GABRB1: variants seen among roughly 807,000 people sequenced by gnomAD.
GABRB1 encodes the protein gamma-aminobutyric acid type A receptor subunit beta1, also known as gamma-aminobutyric acid receptor subunit beta-1.
In GABRB1, 17 loss-of-function variants were observed where a neutral mutation model predicts 51.6. The observed-to-expected ratio is 0.33, with a 90% CI of 0.23 to 0.49. The LOEUF is 0.49. Ranked by LOEUF, GABRB1 falls within the 20% of genes least tolerant of loss-of-function variation. The pLI, the probability that GABRB1 is intolerant of heterozygous loss-of-function variation, is 0.99. For synonymous variants in GABRB1, 247 were observed against 218.9 expected, an observed-to-expected ratio of 1.13 and a Z score of -1.14; for missense variants, 410 against 600.6, an observed-to-expected ratio of 0.68 and a Z score of 3.32.
intron 7 of GABRB1, among the ~76,000 whole-genome samples, chr4:47,405,599 A>G (rs891521854): frequency 1.1e-4 from 17 of 152,166 alleles, no homozygotes; most frequent in African/African-American, 4.1e-4. Flanking sequence ...CCAGTTATAA[A>G]ATGAGAATAA....
chr4:47,084,709 A>T (rs1239760205), intron 3 of GABRB1, among the ~76,000 whole-genome samples: 6 of 152,150 alleles, frequency 3.9e-5, no homozygotes, highest in Non-Finnish European at 1.5e-5. Context: ...GTCATAAACA[A>T]AGTCTTTGTA....
intron 8 of GABRB1, among the ~76,000 whole-genome samples, chr4:47,417,815 G>A (rs1728977832): frequency 1.3e-5 from 2 of 152,204 alleles, no homozygotes; most frequent in African/African-American, 4.8e-5. Flanking sequence ...GCCCAGAGGT[G>A]TTCCTCGACA....
intron 4 of GABRB1, among the ~76,000 whole-genome samples, chr4:47,314,395 A>G (rs1277499436): frequency 6.6e-6 from 1 of 152,058 alleles, no homozygotes; most frequent in Non-Finnish European, 1.5e-5. Flanking sequence ...ACTACTTTGT[A>G]AAAGCTATTG....
intron 3 of GABRB1, among the ~76,000 whole-genome samples, chr4:47,093,007 A>G (rs1714164187): frequency 6.6e-6 from 1 of 152,248 alleles, no homozygotes; most frequent in African/African-American, 2.4e-5. Flanking sequence ...GAGATGAGTA[A>G]CATACTTATC....
At chr4:47,232,096 T>C (rs559295316) in intron 4 of GABRB1, among the ~76,000 whole-genome samples, 2 of 152,270 alleles carry the variant, frequency 1.3e-5, no homozygotes, top group South Asian at 4.2e-4. Flanking sequence ...TTAACTCCTC[T>C]CCCACCTGTC....
chr4:47,010,205 A>G (rs923016295), intron 1 of GABRB1, among the ~76,000 whole-genome samples: 2 of 152,218 alleles, frequency 1.3e-5, no homozygotes, highest in Non-Finnish European at 2.9e-5. Context: ...AGGAATTGCA[A>G]TCACCAAAGT....
chr4:47,292,332 T>G (rs1265899475), intron 4 of GABRB1, among the ~76,000 whole-genome samples: 1 of 152,258 alleles, frequency 6.6e-6, no homozygotes, highest in African/African-American at 2.4e-5. Flanking sequence ...TTGCCCAGTC[T>G]TGGGTATGTC....
At chr4:47,332,121 T>A (rs1725507288) in intron 5 of GABRB1, among the ~76,000 whole-genome samples, 1 of 152,228 alleles carries the variant, frequency 6.6e-6, no homozygotes, top group African/African-American at 2.4e-5. Context: ...TAAGTAGGCT[T>A]TATTTTTGAC....
intron 8 of GABRB1, among the ~76,000 whole-genome samples, chr4:47,418,523 T>G (rs1002748149): frequency 5.3e-5 from 8 of 152,306 alleles, no homozygotes; most frequent in Non-Finnish European, 1.0e-4. Flanking sequence ...CAATCACATC[T>G]ACAAAATACC....
intron 5 of GABRB1, among the ~76,000 whole-genome samples, chr4:47,394,562 G>C (rs6854100): frequency 4.6e-5 from 7 of 152,110 alleles, no homozygotes; most frequent in Non-Finnish European, 7.4e-5. Context: ...TCCATGCCTA[G>C]ATAAGTCAGA....
rs142996228 is a variant in GABRB1, at chr4:47,150,646, T to TACACAC, written c.241-10602_241-10601insCACACA. On this transcript the variant is annotated intron_variant, in intron 3 of 8. Transcript: ENST00000295454. ...CAATACATGACAAAAGCCACATATA[T>TACACAC]ATACACACACACACACATAATGTTA... is the stretch of plus-strand genomic sequence containing the variant. Among the ~76,000 whole-genome samples the TACACAC allele has an allele frequency of 6.7e-5, 10 of 149,148 alleles. No homozygotes were observed. The South Asian group carries it at 8.4e-4, about 13-fold the overall frequency.
At chr4:47,208,724 C>T (rs1194103906) in intron 4 of GABRB1, among the ~76,000 whole-genome samples, 1 of 152,052 alleles carries the variant, frequency 6.6e-6, no homozygotes, top group African/African-American at 2.4e-5. Flanking sequence ...CTGACACTAT[C>T]GTAGTCCTAG....
rs370889986 is a variant in GABRB1 at position 47,293,181 on chromosome 4, GC to G, written c.462-26943del. ...TTTGAGATGGAGTTTTGCTCTTGTC[GC>G]CCATGCTGGAGTGCAGTGGTGCAAT... On this transcript the variant is annotated intron_variant, in intron 4 of 8. Transcript: ENST00000295454. 6.4e-3 allele frequency among the ~76,000 whole-genome samples: 977 copies of G among 152,126 alleles called. 10 individuals carry two copies. Among genetic ancestry groups the G allele is most frequent in the African/African-American group, 0.022 (902 of 41,502 alleles).
chr4:47,146,954 G>T (rs1252761846), intron 3 of GABRB1, among the ~76,000 whole-genome samples: 1 of 151,972 alleles, frequency 6.6e-6, no homozygotes, highest in Non-Finnish European at 1.5e-5. Context: ...GAATTTGATT[G>T]GTTGAATGAT....
chr4:47,065,627 A>T (rs1727044154), intron 3 of GABRB1, among the ~76,000 whole-genome samples: 1 of 152,270 alleles, frequency 6.6e-6, no homozygotes, highest in Non-Finnish European at 1.5e-5. Context: ...TTAATATGAG[A>T]ACTCCAAATC....
At chr4:47,237,843 A>T (rs1721384536) in intron 4 of GABRB1, among the ~76,000 whole-genome samples, 2 of 152,052 alleles carry the variant, frequency 1.3e-5, no homozygotes, top group African/African-American at 2.4e-5. Flanking sequence ...ACAGGAGAAG[A>T]AGATTAATGA....
chr4:47,084,348 A>G (rs1727980053), intron 3 of GABRB1, among the ~76,000 whole-genome samples: 1 of 152,212 alleles, frequency 6.6e-6, no homozygotes, highest in Admixed American at 6.5e-5. Context: ...TCACCACAGA[A>G]TGGGTTAAGC....
At chr4:47,038,916 G>A (rs1475490317) in intron 3 of GABRB1, among the ~76,000 whole-genome samples, 2 of 152,086 alleles carry the variant, frequency 1.3e-5, no homozygotes, top group Admixed American at 6.6e-5. Context: ...TTAGTACATA[G>A]TTCATCCATA....
At chr4:47,172,657 T>TG (rs1718489151) in intron 4 of GABRB1, among the ~76,000 whole-genome samples, 1 of 90,696 alleles carries the variant, frequency 1.1e-5, no homozygotes, top group Non-Finnish European at 2.4e-5. Flanking sequence ...TTTTTTTTTT[T>TG]TTGAGATGGA....
Sources: allele counts gnomAD v4.1 joint callset (sites outside exome capture counted in the v4.1 genomes callset), GRCh38; gene constraint gnomAD v4.1.1; transcripts MANE v1.5; gene names NCBI Gene and HGNC (gene_info 2026-07-23, HGNC 2026-07-21).